Variants in RTTN observed in about 807,000 individuals in gnomAD.
RTTN encodes rotatin.
Under a neutral mutation model 269.2 loss-of-function variants are expected in RTTN, and 182 were observed. The ratio of observed to expected loss-of-function variants is 0.68; its 90% CI spans 0.60 to 0.76. The LOEUF is 0.76. Among genes scored for constraint, RTTN ranks in the 30% least tolerant of loss-of-function variants. The pLI is 0.00. For missense variants in RTTN, 2,545 were observed against 2,608.6 expected (o/e 0.98, Z 0.53); for synonymous variants, 1,006 against 963.5 (o/e 1.04, Z -0.82).
In RTTN at chr18:70,004,007, TTC is replaced by T. The variant is rs989032445; in HGVS notation, c.*142_*143del. The T allele has an allele frequency of 1.2e-5, 7 of 591,244 alleles. No individual in the cohort carries two copies. Among genetic ancestry groups the T allele is most frequent in the Admixed American group, 5.6e-5 (2 of 35,450 alleles). 36.6% of individuals were successfully genotyped at this position (591,244 alleles called of 1,614,324 possible). On this transcript the variant is annotated 3_prime_UTR_variant, in exon 49 of 49. Transcript: ENST00000640769. ...CTGGACGGTGTTGGAGTATCACCAG[TTC>T]TCTCTCTCATGGGAAAGAAGGGGAT...
chr18:70,018,825 C>T (rs1025461731), intron 45 of RTTN, among the ~76,000 whole-genome samples: 1 of 100,026 alleles, frequency 1.0e-5, no homozygotes, highest in Non-Finnish European at 2.0e-5. Flanking sequence ...TGTGGGCACT[C>T]CTTTTTTTTT....
chr18:70,153,019 T>C (rs1426780160), intron 14 of RTTN, among the ~76,000 whole-genome samples: 1 of 152,178 alleles, frequency 6.6e-6, no homozygotes, highest in Non-Finnish European at 1.5e-5. Context: ...CCCTTCTTTT[T>C]GTTCGTGAAA....
At chr18:70,173,548 T>C (rs745957899) in intron 11 of RTTN, among the ~76,000 whole-genome samples, 1 of 150,558 alleles carries the variant, frequency 6.6e-6, no homozygotes, top group Non-Finnish European at 1.5e-5. Flanking sequence ...TACAGAATTC[T>C]AGGAAACAAA....
intron 10 of RTTN, among the ~76,000 whole-genome samples, chr18:70,180,295 G>A (rs574850156): frequency 9.2e-5 from 14 of 151,984 alleles, no homozygotes; most frequent in Non-Finnish European, 1.6e-4. Context: ...AGGAGTTTGA[G>A]ACCAGCTTGG....
intron 33 of RTTN, among the ~76,000 whole-genome samples, chr18:70,074,462 C>T (rs2058377137): frequency 6.6e-6 from 1 of 152,114 alleles, no homozygotes; most frequent in African/African-American, 2.4e-5. Flanking sequence ...GTGAATCACA[C>T]ATTCACACTT....
At chr18:70,101,111 C>T (rs935508097) in intron 28 of RTTN, among the ~76,000 whole-genome samples, 12 of 152,124 alleles carry the variant, frequency 7.9e-5, no homozygotes, top group African/African-American at 2.7e-4. Flanking sequence ...AGGGAGGATT[C>T]CCTCTTTTTC....
intron 10 of RTTN, among the ~76,000 whole-genome samples, chr18:70,186,388 G>A (rs2061547657): frequency 6.6e-6 from 1 of 152,206 alleles, no homozygotes; most frequent in Non-Finnish European, 1.5e-5. Context: ...TTATAAGTCA[G>A]TTTGCTTAAA....
rs116958561 is a variant in RTTN at position 70,170,038 on chromosome 18, G to C, written c.1477-971C>G. On this transcript the variant is annotated intron_variant, in intron 11 of 48. Transcript: ENST00000640769. ...AGAAACTACAGAAATCAAAATTTTA[G>C]ATTACACAGACATGACAAACCTCCA... Among the ~76,000 whole-genome samples the C allele has an allele frequency of 4.9e-3, 745 of 152,278 alleles. 3 individuals carry two copies. The highest frequency in any genetic ancestry group is 7.7e-3 in the South Asian group (37 of 4,830).
At chr18:70,107,798 T>C (rs532923194) in intron 28 of RTTN, among the ~76,000 whole-genome samples, 7 of 152,218 alleles carry the variant, frequency 4.6e-5, no homozygotes, top group Non-Finnish European at 1.0e-4. Context: ...AATTAATGTC[T>C]GCAATGAAAG....
At chr18:70,195,551 T>C (rs1197534784) in intron 7 of RTTN, among the ~76,000 whole-genome samples, 1 of 152,228 alleles carries the variant, frequency 6.6e-6, no homozygotes, top group African/African-American at 2.4e-5. Context: ...CTTCTCCTTA[T>C]CTCAAGCAAA....
At chr18:70,154,132 T>C (rs2060612471) in intron 14 of RTTN, among the ~76,000 whole-genome samples, 1 of 152,158 alleles carries the variant, frequency 6.6e-6, no homozygotes, top group African/African-American at 2.4e-5. Flanking sequence ...TATTAAAATT[T>C]AGAATTTTCA....
At position 70,150,693 on chromosome 18, in the gene RTTN, G is replaced by T. The variant is rs758874457; in HGVS notation, c.1970C>A (p.Ser657Ter). ...TAGAAAATGAATTCCATTGCAAAGT[G>T]AAGACACGGGTTTAGTGACATTATG... is the stretch of plus-strand genomic sequence containing the variant. ...GVHNVTKPVS[S>*]LCNGIHFLLH... is the part of the protein sequence containing the mutation. The change falls in exon 15 of 49, where the codon TCA becomes TAA. Residue 657 changes from serine to a stop codon, truncating the protein, a stop_gained. Coordinates refer to ENST00000640769, the MANE Select transcript of RTTN (RefSeq NM_173630.4). LOFTEE classifies it high-confidence loss of function. The T allele has an allele frequency of 7.5e-6, 12 of 1,609,102 alleles. No homozygotes were observed. The highest frequency in any genetic ancestry group is 9.4e-6 in the Non-Finnish European group (11 of 1,175,796).
intron 44 of RTTN, 100 bp downstream of exon 44, chr18:70,024,622 A>G (rs1230884935): frequency 2.2e-5 from 24 of 1,101,258 alleles, no homozygotes; most frequent in Non-Finnish European, 3.0e-5. Context: ...AATCAGAGAA[A>G]TACTTCAAAA....
chr18:70,149,111 G>A (rs1477598879), intron 16 of RTTN, 74 bp from the exon 17 acceptor site: 1 of 1,336,068 alleles, frequency 7.5e-7, no homozygotes, highest in Non-Finnish European at 1.0e-6. Context: ...AATAAGAATT[G>A]TATTGTCCTA....
intron 19 of RTTN, among the ~76,000 whole-genome samples, chr18:70,141,621 C>G (rs2060259120): frequency 6.6e-6 from 1 of 151,980 alleles, no homozygotes; most frequent in Non-Finnish European, 1.5e-5. Context: ...CCGGGCCTGT[C>G]ACAGAGTTGG....
chr18:70,070,796 A>G (rs948663417), intron 34 of RTTN, among the ~76,000 whole-genome samples: 2 of 152,154 alleles, frequency 1.3e-5, no homozygotes, highest in Admixed American at 6.5e-5. Flanking sequence ...ACACAACTTC[A>G]TATTTAGTTA....
chr18:70,195,334 T>A (rs1259257502), intron 7 of RTTN, among the ~76,000 whole-genome samples: 1 of 152,284 alleles, frequency 6.6e-6, no homozygotes, highest in Non-Finnish European at 1.5e-5. Flanking sequence ...TAAATGAAGC[T>A]ATGTTTACCC....
At chr18:70,138,004 C>A (rs553237093) in intron 21 of RTTN, among the ~76,000 whole-genome samples, 1 of 152,260 alleles carries the variant, frequency 6.6e-6, no homozygotes, top group Non-Finnish European at 1.5e-5. Flanking sequence ...TTCGGCCAGG[C>A]ACAGTGGCTC....
intron 26 of RTTN, among the ~76,000 whole-genome samples, chr18:70,118,975 A>G (rs781254716): frequency 6.6e-6 from 1 of 152,158 alleles, no homozygotes; most frequent in Non-Finnish European, 1.5e-5. Flanking sequence ...AGCTAACATC[A>G]TTCTCAATGG....
Sources: gnomAD v4.1 joint callset for allele counts (sites outside exome capture counted in the v4.1 genomes callset) on GRCh38, gnomAD v4.1.1 for gene constraint, MANE v1.5 for transcripts, NCBI Gene and HGNC (gene_info 2026-07-23, HGNC 2026-07-21) for gene names.